The following CA8 variants were observed in gnomAD, a reference collection of about 807,000 sequenced individuals.
The protein encoded by CA8 is carbonic anhydrase-related protein.
Under a neutral mutation model 41.4 loss-of-function variants are expected in CA8, and 22 were observed. That is an observed-to-expected ratio of 0.53 (90% CI 0.38 to 0.76). The LOEUF (loss-of-function observed/expected upper bound fraction) is 0.76, where lower values mean the gene tolerates loss of function less well. Ranked by LOEUF, CA8 falls within the 30% of genes least tolerant of loss-of-function variation. The probability of loss-of-function intolerance (pLI) is 0.00; values close to 1 mark genes in which losing one functional copy is unlikely to be tolerated. For synonymous variants in CA8, 121 were observed against 130.6 expected, an observed-to-expected ratio of 0.93 and a Z score of 0.50; for missense variants, 270 against 352.8, an observed-to-expected ratio of 0.77 and a Z score of 1.88.
intron 2 of CA8, among the ~76,000 whole-genome samples, chr8:60,267,726 G>C (rs148911813): frequency 6.6e-6 from 1 of 152,246 alleles, no homozygotes; most frequent in Non-Finnish European, 1.5e-5. Context: ...GTATCTGTGA[G>C]CATGAACTAA....
At chr8:60,220,794 G>C (rs1807217754) in intron 7 of CA8, among the ~76,000 whole-genome samples, 1 of 152,182 alleles carries the variant, frequency 6.6e-6, no homozygotes, top group South Asian at 2.1e-4. Context: ...CGTTAGGGTA[G>C]TTATGTGACC....
At chr8:60,243,608 C>T (rs893865699) in intron 3 of CA8, among the ~76,000 whole-genome samples, 1 of 152,210 alleles carries the variant, frequency 6.6e-6, no homozygotes, top group African/African-American at 2.4e-5. Flanking sequence ...TCACCGTCTA[C>T]GGCCATACCA....
intron 8 of CA8, among the ~76,000 whole-genome samples, chr8:60,190,276 G>T (rs1166177270): frequency 6.6e-6 from 1 of 151,214 alleles, no homozygotes; most frequent in Non-Finnish European, 1.5e-5. Context: ...CAAAAAATAT[G>T]TATATCATGT....
At chr8:60,231,019 A>T (rs1807630940) in intron 4 of CA8, among the ~76,000 whole-genome samples, 1 of 152,176 alleles carries the variant, frequency 6.6e-6, no homozygotes, top group Admixed American at 6.5e-5. Context: ...TCTTACTTTT[A>T]ATAATGAGAT....
chr8:60,229,832 A>C (rs533314135), intron 4 of CA8, among the ~76,000 whole-genome samples: 1 of 152,160 alleles, frequency 6.6e-6, no homozygotes, highest in South Asian at 2.1e-4. Context: ...CTGGCTAGAC[A>C]GAATGATATC....
intron 3 of CA8, among the ~76,000 whole-genome samples, chr8:60,240,608 A>G (rs577208596): frequency 5.1e-4 from 78 of 152,352 alleles, no homozygotes; most frequent in Non-Finnish European, 6.5e-4. Flanking sequence ...CCCAATGTAT[A>G]GTCATTAAGA....
At chr8:60,246,885 T>A (rs1454295665) in intron 3 of CA8, among the ~76,000 whole-genome samples, 2 of 138,512 alleles carry the variant, frequency 1.4e-5, no homozygotes, top group Admixed American at 7.1e-5. Context: ...CTTTTTTTTT[T>A]TTTTTTTTTT....
At chr8:60,279,979 A>G in intron 1 of CA8, 99 bp from the exon 2 acceptor site, 1 of 907,572 alleles carries the variant, frequency 1.1e-6, no homozygotes, top group East Asian at 2.6e-5. Flanking sequence ...TGATATCATG[A>G]AGAGAGTAAT....
intron 2 of CA8, among the ~76,000 whole-genome samples, chr8:60,275,467 T>TA (rs35948459): frequency 0.14 from 20,737 of 150,914 alleles, 1,545 homozygotes; most frequent in South Asian, 0.2. Flanking sequence ...GTATTTTTTT[T>TA]AAAAAAAAAG....
intron 7 of CA8, among the ~76,000 whole-genome samples, chr8:60,209,636 G>T (rs568010784): frequency 6.6e-6 from 1 of 152,282 alleles, no homozygotes; most frequent in African/African-American, 2.4e-5. Context: ...ACACTGATTA[G>T]ATCTTAGATT....
At chr8:60,211,512 T>C (rs922542201) in intron 7 of CA8, among the ~76,000 whole-genome samples, 2 of 152,222 alleles carry the variant, frequency 1.3e-5, no homozygotes, top group African/African-American at 4.8e-5. Flanking sequence ...CCATTTTTTA[T>C]TGACTTTGAA....
At chr8:60,244,939 G>A (rs576836564) in intron 3 of CA8, among the ~76,000 whole-genome samples, 7 of 152,226 alleles carry the variant, frequency 4.6e-5, no homozygotes, top group East Asian at 1.9e-4. Context: ...CCAAGTCTCA[G>A]CCATTACCTA....
intron 8 of CA8, among the ~76,000 whole-genome samples, chr8:60,200,787 T>C (rs1806402103): frequency 6.6e-6 from 1 of 152,242 alleles, no homozygotes; most frequent in South Asian, 2.1e-4. Context: ...AGATGTGGAT[T>C]CAGAATCCTT....
chr8:60,224,312 A>G (rs1807351969), intron 6 of CA8, among the ~76,000 whole-genome samples: 1 of 152,246 alleles, frequency 6.6e-6, no homozygotes, highest in Non-Finnish European at 1.5e-5. Flanking sequence ...CAATCCTACG[A>G]AAGCTCTTCA....
intron 3 of CA8, among the ~76,000 whole-genome samples, chr8:60,260,584 C>A (rs1803699428): frequency 6.6e-6 from 1 of 152,178 alleles, no homozygotes; most frequent in African/African-American, 2.4e-5. Context: ...ATTTAATTAA[C>A]CAGATGATAC....
chr8:60,204,499 C>A (rs953249648), intron 8 of CA8, among the ~76,000 whole-genome samples: 1 of 152,096 alleles, frequency 6.6e-6, no homozygotes, highest in Non-Finnish European at 1.5e-5. Flanking sequence ...TTTTAAAGCA[C>A]GAATTATTTT....
At chr8:60,230,030 A>G (rs1181924777) in intron 4 of CA8, among the ~76,000 whole-genome samples, 2 of 152,204 alleles carry the variant, frequency 1.3e-5, no homozygotes, top group Non-Finnish European at 2.9e-5. Context: ...CAAATATATT[A>G]TCATCCCCTT....
intron 4 of CA8, among the ~76,000 whole-genome samples, chr8:60,229,642 G>C (rs11985634): frequency 1 from 152,220 of 152,260 alleles, 76,090 homozygotes; most frequent in Non-Finnish European, 1. Flanking sequence ...TGAGGACACT[G>C]CTGGTACGTG....
At chr8:60,274,367 G>C (rs570893201) in intron 2 of CA8, among the ~76,000 whole-genome samples, 96 of 152,280 alleles carry the variant, frequency 6.3e-4, no homozygotes, top group African/African-American at 2.1e-3. Context: ...TAGGGGGGTG[G>C]TGCTGGAAAG....
Sources: allele counts gnomAD v4.1 joint callset (sites outside exome capture counted in the v4.1 genomes callset), GRCh38; gene constraint gnomAD v4.1.1; transcripts MANE v1.5; gene names NCBI Gene and HGNC (gene_info 2026-07-23, HGNC 2026-07-21).